The following PNPLA1 variants were observed in gnomAD, a reference collection of about 807,000 sequenced individuals.
The protein encoded by PNPLA1 is patatin like domain 1, omega-hydroxyceramide transacylase, also known as omega-hydroxyceramide transacylase.
Under a neutral mutation model 51.7 loss-of-function variants are expected in PNPLA1, and 36 were observed. The ratio of observed to expected loss-of-function variants is 0.70; its 90% CI spans 0.53 to 0.92. PNPLA1 has a LOEUF of 0.92. PNPLA1 is among the 40% of genes least tolerant of loss of function. The pLI, the probability that PNPLA1 is intolerant of heterozygous loss-of-function variation, is 0.00. For missense variants in PNPLA1, 658 were observed against 682.5 expected (o/e 0.96, Z 0.40); for synonymous variants, 293 against 280.1 (o/e 1.05, Z -0.46).
intron 1 of PNPLA1, among the ~76,000 whole-genome samples, chr6:36,280,900 C>T (rs1009404301): frequency 6.6e-6 from 1 of 152,226 alleles, no homozygotes; most frequent in Non-Finnish European, 1.5e-5. Flanking sequence ...AGTGATCCTC[C>T]TGCTTCAGCC....
chr6:36,275,388 T>C (rs1770060102), intron 1 of PNPLA1, among the ~76,000 whole-genome samples: 1 of 152,238 alleles, frequency 6.6e-6, no homozygotes, highest in South Asian at 2.1e-4. Flanking sequence ...GCCATCCTCT[T>C]ATAATTTGTG....
chr6:36,291,591 G>GGGGGGGGGGGGGGGGGGGGA, intron 2 of PNPLA1, 39 bp downstream of exon 2: 5 of 1,220,472 alleles, frequency 4.1e-6, no homozygotes, highest in Admixed American at 2.1e-5. Flanking sequence ...CACGGAGGGG[G>GGGGGGGGGGGGGGGGGGGGA]CGGGGGAGGG....
chr6:36,266,096 C>T (rs1769753396), upstream of PNPLA1, among the ~76,000 whole-genome samples: 1 of 152,178 alleles, frequency 6.6e-6, no homozygotes. Context: ...AAGCTTTTGT[C>T]AACATTGACC....
At chr6:36,287,917 CA>C (rs1333368100) in intron 1 of PNPLA1, among the ~76,000 whole-genome samples, 3 of 152,232 alleles carry the variant, frequency 2.0e-5, no homozygotes, top group African/African-American at 7.2e-5. Context: ...TCCCAGGCTA[CA>C]TGACTGGCTA....
intron 1 of PNPLA1, among the ~76,000 whole-genome samples, chr6:36,272,650 A>G (rs1180771044): frequency 6.6e-6 from 1 of 152,126 alleles, no homozygotes; most frequent in Non-Finnish European, 1.5e-5. Context: ...GGTGGAAACT[A>G]GATAAGGGAA....
chr6:36,280,816 G>T (rs1363133764), intron 1 of PNPLA1, among the ~76,000 whole-genome samples: 1 of 152,096 alleles, frequency 6.6e-6, no homozygotes. Flanking sequence ...TTGAGGCAGG[G>T]TCTTTCTCTG....
At chr6:36,247,322 T>G (rs1263755803) in intron 1 of PNPLA1, among the ~76,000 whole-genome samples, 1 of 152,164 alleles carries the variant, frequency 6.6e-6, no homozygotes, top group African/African-American at 2.4e-5. Flanking sequence ...TCTATACCCT[T>G]CCCTCCACAC....
At chr6:36,309,122 C>A (rs935181370) in intron 8 of PNPLA1, among the ~76,000 whole-genome samples, 6 of 152,172 alleles carry the variant, frequency 3.9e-5, no homozygotes, top group Admixed American at 1.3e-4. Context: ...GAGGCTCACC[C>A]GGCGGCCAAA....
intron 3 of PNPLA1, among the ~76,000 whole-genome samples, chr6:36,293,888 T>A (rs916034329): frequency 6.6e-6 from 1 of 151,982 alleles, no homozygotes; most frequent in Non-Finnish European, 1.5e-5. Flanking sequence ...AGAGTATGGG[T>A]CCCCTGCACA....
Position 36,291,467 on chromosome 6 carries a change from G to A in PNPLA1, c.353G>A (p.Gly118Glu). 6.2e-7 allele frequency: 1 copy of A among 1,613,998 alleles called. No individual in the cohort carries two copies. The highest frequency in any genetic ancestry group is 1.1e-5 in the South Asian group (1 of 91,074). Reference sequence around the variant, plus strand: ...GAGGACTCCTACAAGGTCACCACGGGGAAGCTCCATGTGAGCCTCACCCGC... The same window carrying A: ...GAGGACTCCTACAAGGTCACCACGGAGAAGCTCCATGTGAGCCTCACCCGC... ...LPEDSYKVTT[G>E]KLHVSLTRLT... The change falls in exon 2 of 9, where the codon GGG becomes GAG. Residue 118 changes from glycine to glutamate, a missense_variant. Coordinates refer to ENST00000636260, the MANE Select transcript of PNPLA1 (RefSeq NM_001374623.1).
chr6:36,257,317 T>G (rs1338535082), intron 1 of PNPLA1, among the ~76,000 whole-genome samples: 2 of 152,226 alleles, frequency 1.3e-5, no homozygotes, highest in Non-Finnish European at 2.9e-5. Context: ...AATAAGGATA[T>G]TTTATTTTTC....
In PNPLA1 at chr6:36,270,353, G is replaced by T; in HGVS notation, c.-107G>T. On this transcript the variant is annotated 5_prime_UTR_variant, in exon 1 of 9. Transcript: ENST00000636260. ...CAGCCACATTCCAAGCTCCGGGGTG[G>T]CAGGGAAGCTGGGTAGGGAGTTCCT... 1 of 1,148,196 alleles carries T rather than the reference G, an allele frequency of 8.7e-7. No homozygotes were observed. The highest frequency in any genetic ancestry group is 1.3e-6 in the Non-Finnish European group (1 of 795,488). The allele number at this position is 1,148,196 out of a possible 1,614,324, so 71.1% of individuals were successfully genotyped here. A position where few individuals can be genotyped will look rare whatever the true frequency, so the allele number is the denominator to read the frequency against.
At chr6:36,310,388 T>G (rs562568984) in intron 8 of PNPLA1, among the ~76,000 whole-genome samples, 1 of 152,210 alleles carries the variant, frequency 6.6e-6, no homozygotes, top group South Asian at 2.1e-4. Context: ...GGCCTCAAAA[T>G]GAAGAGACAG....
At chr6:36,292,816 T>C (rs951232949) in intron 2 of PNPLA1, among the ~76,000 whole-genome samples, 1 of 152,204 alleles carries the variant, frequency 6.6e-6, no homozygotes, top group African/African-American at 2.4e-5. Flanking sequence ...CCCGAAGCTA[T>C]GGAGGACCCC....
At chr6:36,304,579 A>G (rs950721435) in intron 6 of PNPLA1, among the ~76,000 whole-genome samples, 2 of 147,778 alleles carry the variant, frequency 1.4e-5, no homozygotes, top group East Asian at 4.1e-4. Flanking sequence ...GTGAGTAGAG[A>G]TCGTGCCACT....
At chr6:36,277,267 G>A (rs1374561355) in intron 1 of PNPLA1, among the ~76,000 whole-genome samples, 2 of 152,206 alleles carry the variant, frequency 1.3e-5, no homozygotes, top group Non-Finnish European at 2.9e-5. Flanking sequence ...GTCGGAAAGG[G>A]AAAAGGGAAG....
At chr6:36,301,423 C>G (rs549509495) in intron 5 of PNPLA1, among the ~76,000 whole-genome samples, 1 of 152,184 alleles carries the variant, frequency 6.6e-6, no homozygotes, top group Non-Finnish European at 1.5e-5. Context: ...ACAGTACCCC[C>G]GCCCCACACT....
At chr6:36,304,264 T>G (rs1035004604) in intron 6 of PNPLA1, among the ~76,000 whole-genome samples, 2 of 152,166 alleles carry the variant, frequency 1.3e-5, no homozygotes, top group African/African-American at 2.4e-5. Context: ...TGTCTCCTCA[T>G]CTGGGAATTA....
intron 1 of PNPLA1, among the ~76,000 whole-genome samples, chr6:36,245,721 T>C (rs1468786496): frequency 6.6e-6 from 1 of 152,230 alleles, no homozygotes; most frequent in Non-Finnish European, 1.5e-5. Context: ...CATTCAGTCC[T>C]CACAACAGCC....
Sources: allele counts gnomAD v4.1 joint callset (sites outside exome capture counted in the v4.1 genomes callset), GRCh38; gene constraint gnomAD v4.1.1; transcripts MANE v1.5; gene names NCBI Gene and HGNC (gene_info 2026-07-23, HGNC 2026-07-21).